Variants in SV2C observed in about 807,000 individuals in gnomAD.
SV2C encodes solute carrier family 22 member B3.
In SV2C, 49 loss-of-function variants were observed where a neutral mutation model predicts 79.7. That is an observed-to-expected ratio of 0.61 (90% CI 0.49 to 0.78). SV2C has a LOEUF of 0.78. Ranked by LOEUF, SV2C falls within the 30% of genes least tolerant of loss-of-function variation. The pLI, the probability that SV2C is intolerant of heterozygous loss-of-function variation, is 0.00. For missense variants in SV2C, 833 were observed against 912.9 expected (o/e 0.91, Z 1.13); for synonymous variants, 334 against 333.2 (o/e 1.00, Z -0.03).
chr5:76,054,474 A>T, the SV2C span, among the ~76,000 whole-genome samples: 4 of 152,320 alleles, frequency 2.6e-5, no homozygotes, highest in Admixed American at 6.5e-5. Flanking sequence ...GGGTCTTTAT[A>T]GTAGAATAAT....
chr5:75,959,077 A>G, the SV2C span, among the ~76,000 whole-genome samples: 1 of 151,904 alleles, frequency 6.6e-6, no homozygotes, highest in Non-Finnish European at 1.5e-5. Context: ...TCATTTATGC[A>G]TATATTTTTC....
At chr5:76,011,517 T>C in the SV2C span, among the ~76,000 whole-genome samples, 124,102 of 152,118 alleles carry the variant, frequency 0.82, 51,285 homozygotes, top group African/African-American at 0.95. Flanking sequence ...AGATCCAACC[T>C]CTTTTCATAG....
chr5:76,262,661 A>T (rs1470051887), intron 4 of SV2C, among the ~76,000 whole-genome samples: 1 of 152,098 alleles, frequency 6.6e-6, no homozygotes, highest in Admixed American at 6.6e-5. Flanking sequence ...AAAGAACTTT[A>T]TTATTTCTGC....
At chr5:76,197,706 G>C (rs75417020) in intron 3 of SV2C, among the ~76,000 whole-genome samples, 8 of 3,130 alleles carry the variant, frequency 2.6e-3, no homozygotes, top group African/African-American at 6.3e-3. Context: ...AGATAGACAG[G>C]CAGATAGATA....
chr5:76,334,115 G>A (rs1285090137), downstream of SV2C, among the ~76,000 whole-genome samples: 2 of 152,178 alleles, frequency 1.3e-5, no homozygotes, highest in Non-Finnish European at 2.9e-5. Context: ...ATGTGTTGTT[G>A]ATCTTACGTG....
At chr5:75,998,660 G>A in the SV2C span, among the ~76,000 whole-genome samples, 1 of 151,534 alleles carries the variant, frequency 6.6e-6, no homozygotes, top group Non-Finnish European at 1.5e-5. Context: ...GTGTATGTGT[G>A]AATGTGTATG....
At chr5:76,141,935 A>G (rs1479305807) in intron 2 of SV2C, among the ~76,000 whole-genome samples, 1 of 152,082 alleles carries the variant, frequency 6.6e-6, no homozygotes, top group Non-Finnish European at 1.5e-5. Context: ...ATATAATAAT[A>G]CAGACTCATA....
At chr5:76,285,322 G>T in intron 5 of SV2C, 27 bp downstream of exon 5, 1 of 1,611,818 alleles carries the variant, frequency 6.2e-7, no homozygotes, top group Non-Finnish European at 8.5e-7. Flanking sequence ...CAGATACTCA[G>T]GTAGCCCACC....
the SV2C span, among the ~76,000 whole-genome samples, chr5:75,882,080 G>T: frequency 1.3e-5 from 2 of 150,304 alleles, no homozygotes; most frequent in Non-Finnish European, 2.9e-5. Flanking sequence ...CATTGGTTCT[G>T]TTTATATGCT....
chr5:76,246,391 T>G (rs1561281908), intron 4 of SV2C, among the ~76,000 whole-genome samples: 2 of 152,356 alleles, frequency 1.3e-5, no homozygotes, highest in South Asian at 4.1e-4. Flanking sequence ...AATAATTGTT[T>G]ATTTGTGCCT....
At chr5:76,347,097 C>T (rs139325020) in intron 12 of SV2C, among the ~76,000 whole-genome samples, 288 of 137,400 alleles carry the variant, frequency 2.1e-3, no homozygotes, top group African/African-American at 8.1e-3. Flanking sequence ...GAAAGTGGGA[C>T]GGGGCAGGAG....
the SV2C span, among the ~76,000 whole-genome samples, chr5:75,964,159 C>T: frequency 0.12 from 17,899 of 151,960 alleles, 3,046 homozygotes; most frequent in African/African-American, 0.38. Flanking sequence ...TTGTTGGTTT[C>T]TGTCATGTGT....
At chr5:76,016,013 A>G in the SV2C span, among the ~76,000 whole-genome samples, 1 of 151,984 alleles carries the variant, frequency 6.6e-6, no homozygotes, top group Non-Finnish European at 1.5e-5. Context: ...GTTTCTTTAT[A>G]TACCTGAAAA....
intron 4 of SV2C, among the ~76,000 whole-genome samples, chr5:76,222,618 T>C (rs191444546): frequency 6.6e-6 from 1 of 152,332 alleles, no homozygotes; most frequent in Non-Finnish European, 1.5e-5. Context: ...AGTTCCATGC[T>C]TTCGATGTTG....
downstream of SV2C, among the ~76,000 whole-genome samples, chr5:76,337,384 C>T (rs1000409063): frequency 7.9e-5 from 12 of 152,256 alleles, no homozygotes; most frequent in African/African-American, 1.2e-4. Context: ...CTTTTCAACT[C>T]GAATACCTCC....
intron 1 of SV2C, among the ~76,000 whole-genome samples, chr5:76,097,558 A>G (rs182649792): frequency 1.4e-3 from 209 of 152,326 alleles, no homozygotes; most frequent in Non-Finnish European, 2.3e-3. Context: ...TACATATTTT[A>G]AAACATAATT....
At chr5:76,078,860 A>G (rs994607282), upstream of SV2C, 1 of 577,108 alleles carries the variant, frequency 1.7e-6, no homozygotes, top group African/African-American at 1.9e-5. Context: ...TTGAGAATTT[A>G]CCTACATGGA....
At chr5:75,980,935 A>C in the SV2C span, among the ~76,000 whole-genome samples, 7 of 152,210 alleles carry the variant, frequency 4.6e-5, no homozygotes, top group African/African-American at 1.7e-4. Flanking sequence ...ACCTGTTTGC[A>C]GATGACATGA....
chr5:75,964,020 A>C, the SV2C span, among the ~76,000 whole-genome samples: 3 of 151,948 alleles, frequency 2.0e-5, no homozygotes, highest in Admixed American at 2.0e-4. Flanking sequence ...TCCTTTAGGG[A>C]TATAACAGAA....
Sources: allele counts gnomAD v4.1 joint callset (sites outside exome capture counted in the v4.1 genomes callset), GRCh38; gene constraint gnomAD v4.1.1; transcripts MANE v1.5; gene names NCBI Gene and HGNC (gene_info 2026-07-23, HGNC 2026-07-21).